BLNK: variants seen among roughly 807,000 people sequenced by gnomAD.
The protein encoded by BLNK is B-cell linker protein.
Under a neutral mutation model 73.5 loss-of-function variants are expected in BLNK, and 29 were observed. The ratio of observed to expected loss-of-function variants is 0.39; its 90% CI spans 0.29 to 0.54. The LOEUF is 0.54. Ranked by LOEUF, BLNK falls within the 20% of genes least tolerant of loss-of-function variation. BLNK has a pLI of 0.61. For missense variants in BLNK, 460 were observed against 562.8 expected (o/e 0.82, Z 1.85); for synonymous variants, 176 against 200.8 (o/e 0.88, Z 1.04).
intron 11 of BLNK, chr10:96,204,842 C>G: frequency 4.0e-6 from 2 of 501,744 alleles, no homozygotes; most frequent in Non-Finnish European, 7.3e-6. Flanking sequence ...ATCCTACCAC[C>G]TCTGCATTCA....
chr10:96,216,280 C>G (rs79669319), intron 7 of BLNK: 93 of 258,102 alleles, frequency 3.6e-4, no homozygotes, highest in African/African-American at 1.9e-3. Context: ...TTTTTCACTC[C>G]TCTGCAGAAA....
At chr10:96,257,695 GC>G (rs1222967589) in intron 1 of BLNK, among the ~76,000 whole-genome samples, 1 of 152,170 alleles carries the variant, frequency 6.6e-6, no homozygotes, top group African/African-American at 2.4e-5. Flanking sequence ...TTAATGTCAT[GC>G]TTTGCTGTTT....
At position 96,223,820 on chromosome 10, in the gene BLNK, C is replaced by G; in HGVS notation, c.525+6G>C. 6.2e-7 allele frequency: 1 copy of G among 1,613,582 alleles called. No individual in the cohort carries two copies. Among genetic ancestry groups the G allele is most frequent in the Non-Finnish European group, 8.5e-7 (1 of 1,179,942 alleles). The stretch of plus-strand genomic sequence containing the variant: ...CTGGGAAGCCTTTGGCACAGATTTA[C>G]TTTACCTCATCCTCAAGGAGGCCTT... On this transcript the variant is annotated splice_donor_region_variant and intron_variant, in intron 6 of 16. Coordinates refer to ENST00000224337, the MANE Select transcript of BLNK (RefSeq NM_013314.4).
intron 2 of BLNK, among the ~76,000 whole-genome samples, chr10:96,242,998 A>G (rs1554906689): frequency 6.6e-6 from 1 of 152,180 alleles, no homozygotes; most frequent in African/African-American, 2.4e-5. Flanking sequence ...TGCATGCACA[A>G]TGTGGCTATG....
intron 1 of BLNK, among the ~76,000 whole-genome samples, chr10:96,258,397 A>G (rs1554911791): frequency 2.0e-5 from 3 of 152,214 alleles, no homozygotes; most frequent in South Asian, 2.1e-4. Flanking sequence ...TTTGCCTACA[A>G]TTAAGGTAGT....
chr10:96,248,563 C>T (rs533434092), intron 1 of BLNK, among the ~76,000 whole-genome samples: 1 of 152,174 alleles, frequency 6.6e-6, no homozygotes, highest in African/African-American at 2.4e-5. Context: ...ACTTTTGACC[C>T]AGCAATTGGA....
intron 1 of BLNK, among the ~76,000 whole-genome samples, chr10:96,254,226 T>C (rs1258562588): frequency 1.3e-5 from 2 of 152,148 alleles, no homozygotes; most frequent in Admixed American, 1.3e-4. Context: ...GGCCAAAGGC[T>C]TACCCAGGCA....
chr10:96,197,375 G>A (rs1554894952), intron 15 of BLNK, among the ~76,000 whole-genome samples: 1 of 152,136 alleles, frequency 6.6e-6, no homozygotes, highest in Non-Finnish European at 1.5e-5. Context: ...TGCAATCACA[G>A]TCCACTACAG....
intron 3 of BLNK, among the ~76,000 whole-genome samples, chr10:96,240,940 T>A (rs1422926053): frequency 1.3e-5 from 2 of 152,242 alleles, no homozygotes; most frequent in Non-Finnish European, 2.9e-5. Flanking sequence ...CTAGGAAGCT[T>A]CCTTGACTTA....
chr10:96,259,543 G>A (rs1843654569), intron 1 of BLNK, among the ~76,000 whole-genome samples: 1 of 152,088 alleles, frequency 6.6e-6, no homozygotes, highest in Non-Finnish European at 1.5e-5. Context: ...GGCCCCCTGA[G>A]GGTCCTGGAG....
At chr10:96,261,299 C>A (rs1413387686) in intron 1 of BLNK, among the ~76,000 whole-genome samples, 1 of 152,184 alleles carries the variant, frequency 6.6e-6, no homozygotes, top group Non-Finnish European at 1.5e-5. Context: ...TCAAATTGTA[C>A]AACTCAGTGG....
At chr10:96,228,756 T>C (rs1554903325) in intron 4 of BLNK, among the ~76,000 whole-genome samples, 1 of 152,228 alleles carries the variant, frequency 6.6e-6, no homozygotes, top group Non-Finnish European at 1.5e-5. Flanking sequence ...TTTGTACATA[T>C]ATTCATGTGG....
At chr10:96,247,156 A>G (rs1308251552) in intron 1 of BLNK, 107 bp from the exon 2 acceptor site, 1 of 731,446 alleles carries the variant, frequency 1.4e-6, no homozygotes, top group Admixed American at 2.4e-5. Context: ...CTCTACCAAA[A>G]CAACCTCCAA....
chr10:96,206,941 GT>G, intron 11 of BLNK, 69 bp downstream of exon 11: 1 of 1,438,982 alleles, frequency 6.9e-7, no homozygotes, highest in Admixed American at 1.7e-5. Context: ...TGTAATAAAT[GT>G]GTACATACAA....
At chr10:96,233,926 A>G (rs143615877) in intron 3 of BLNK, among the ~76,000 whole-genome samples, 3 of 152,368 alleles carry the variant, frequency 2.0e-5, no homozygotes, top group African/African-American at 7.2e-5. Context: ...AATAGATTCC[A>G]TTTACTGAAC....
intron 1 of BLNK, among the ~76,000 whole-genome samples, chr10:96,270,266 G>A (rs1468265564): frequency 6.6e-6 from 1 of 152,178 alleles, no homozygotes; most frequent in African/African-American, 2.4e-5. Context: ...CTACTGTGAA[G>A]GGTTGTCCCT....
intron 3 of BLNK, 36 bp downstream of exon 3, chr10:96,242,694 ATTAGT>A: frequency 6.4e-7 from 1 of 1,561,206 alleles, no homozygotes; most frequent in South Asian, 1.1e-5. Flanking sequence ...TGAACATTAA[ATTAGT>A]CAAGAGTCAG....
intron 5 of BLNK, among the ~76,000 whole-genome samples, chr10:96,226,430 T>C (rs1160013018): frequency 6.6e-6 from 1 of 152,166 alleles, no homozygotes; most frequent in Non-Finnish European, 1.5e-5. Flanking sequence ...AGATATTACA[T>C]GTAGAGCCGG....
intron 1 of BLNK, among the ~76,000 whole-genome samples, chr10:96,256,828 A>G (rs1323176927): frequency 6.7e-6 from 1 of 149,482 alleles, no homozygotes; most frequent in African/African-American, 2.5e-5. Flanking sequence ...TTGCAGTGAG[A>G]CAAGATTGCA....
Sources: allele counts gnomAD v4.1 joint callset (sites outside exome capture counted in the v4.1 genomes callset), GRCh38; gene constraint gnomAD v4.1.1; transcripts MANE v1.5; gene names NCBI Gene and HGNC (gene_info 2026-07-23, HGNC 2026-07-21).